The following CERKL variants were observed in gnomAD, a reference collection of about 807,000 sequenced individuals.
The protein encoded by CERKL is ceramide kinase-like protein.
In CERKL, 61 loss-of-function variants were observed where a neutral mutation model predicts 63.4. The ratio of observed to expected loss-of-function variants is 0.96; its 90% confidence interval spans 0.78 to 1.19. CERKL has a LOEUF of 1.19. Ranked by LOEUF, CERKL falls within the 50% of genes most tolerant of loss-of-function variation. The probability of loss-of-function intolerance (pLI) is 0.00; values close to 1 mark genes in which losing one functional copy is unlikely to be tolerated. For missense variants in CERKL, 675 were observed against 655.5 expected (o/e 1.03, Z -0.33); for synonymous variants, 250 against 230.5 (o/e 1.08, Z -0.77).
intron 2 of CERKL, among the ~76,000 whole-genome samples, chr2:181,583,884 T>C (rs927169833): frequency 6.6e-6 from 1 of 152,136 alleles, no homozygotes; most frequent in African/African-American, 2.4e-5. Context: ...TTATGGAAAA[T>C]ATGGAGAATT....
chr2:181,643,906 G>A (rs926044866), intron 1 of CERKL, among the ~76,000 whole-genome samples: 6 of 152,030 alleles, frequency 3.9e-5, no homozygotes, highest in African/African-American at 1.4e-4. Context: ...CTTTGGGGAG[G>A]CACAAAAAAA....
At chr2:181,582,049 T>C (rs1559088755) in intron 2 of CERKL, among the ~76,000 whole-genome samples, 1 of 152,218 alleles carries the variant, frequency 6.6e-6, no homozygotes, top group Non-Finnish European at 1.5e-5. Flanking sequence ...TCTGTGAAAG[T>C]ATACTTTCCA....
At chr2:181,615,294 G>A (rs959409774) in intron 1 of CERKL, among the ~76,000 whole-genome samples, 1 of 152,204 alleles carries the variant, frequency 6.6e-6, no homozygotes, top group African/African-American at 2.4e-5. Flanking sequence ...ACTTACGGTG[G>A]TTAATAAGAA....
rs1687928959 is a variant in CERKL at position 181,550,289 on chromosome 2, T to C, written c.821-581A>G. On this transcript the variant is annotated intron_variant, in intron 5 of 12. Transcript: ENST00000410087. This position sits in a 1 kb window ranked among gnomAD's most constrained non-coding sequence, Gnocchi z 4.5. ...AGAAAATGTTTAATTCAATTGTATT[T>C]CCCATGTATGAAGATTTGTATTTGA... Among the ~76,000 whole-genome samples, 1 of 152,208 alleles carries C rather than the reference T, an allele frequency of 6.6e-6. No individual in the cohort carries two copies. The highest frequency in any genetic ancestry group is 2.4e-5 in the African/African-American group (1 of 41,462).
Position 181,548,697 on chromosome 2 carries a change from C to T in CERKL, c.1056G>A (p.Lys352=). Residue 352 remains lysine (K), a synonymous_variant, in exon 7 of 13, where the codon AAG becomes AAA. Transcript: ENST00000410087. ...AGACTTACTTAAGTTTTGCCAGTGC[C>T]TTAACAACAGCAAAATCTCTCCGTT... ...PNQRRDFAVV[K]ALAKLKAEDC... The T allele has an allele frequency of 6.2e-7, 1 of 1,613,948 alleles. No individual in the cohort carries two copies.
Position 181,537,273 on chromosome 2 carries a change from T to C in CERKL, c.*911A>G. On this transcript the variant is annotated 3_prime_UTR_variant, in exon 13 of 13. Coordinates refer to ENST00000410087, the MANE Select transcript of CERKL (RefSeq NM_201548.5). The stretch of plus-strand genomic sequence containing the variant: ...CATTTGGTTCTTTCCTACTCAGAAC[T>C]ACTCAGAAACAACTATATATTTCAG... The C allele has an allele frequency of 2.2e-6, 1 of 453,562 alleles. No homozygotes were observed. The allele number at this position is 453,562 out of a possible 1,614,324, so 28.1% of individuals were successfully genotyped here.
chr2:181,563,167 A>G (rs1375488), intron 4 of CERKL, among the ~76,000 whole-genome samples: 35,219 of 151,996 alleles, frequency 0.23, 4,883 homozygotes, highest in Non-Finnish European at 0.31. Context: ...CCAGTAAAAT[A>G]GGGAGCAATA....
chr2:181,615,087 G>C (rs1278196415), intron 1 of CERKL, among the ~76,000 whole-genome samples: 1 of 152,146 alleles, frequency 6.6e-6, no homozygotes, highest in Non-Finnish European at 1.5e-5. Flanking sequence ...AGAGATACTG[G>C]GGACCATCTG....
chr2:181,644,576 A>G (rs957064161), intron 1 of CERKL, among the ~76,000 whole-genome samples: 2 of 152,210 alleles, frequency 1.3e-5, no homozygotes, highest in Admixed American at 6.5e-5. Context: ...TCTGCAGCTG[A>G]GCAACATGGA....
intron 4 of CERKL, among the ~76,000 whole-genome samples, chr2:181,560,802 T>C: frequency 6.6e-6 from 1 of 152,276 alleles, no homozygotes; most frequent in Non-Finnish European, 1.5e-5. Context: ...ATGAGAATCT[T>C]ATTATTTTGA....
chr2:181,608,172 CTT>C (rs1030556345), intron 1 of CERKL, among the ~76,000 whole-genome samples: 4 of 145,030 alleles, frequency 2.8e-5, no homozygotes, highest in Admixed American at 6.9e-5. Context: ...ACCCAGCTCA[CTT>C]TTTTTTTTTT....
chr2:181,549,356 T>G (rs962969062), intron 6 of CERKL, among the ~76,000 whole-genome samples: 2 of 152,220 alleles, frequency 1.3e-5, no homozygotes, highest in African/African-American at 4.8e-5. Flanking sequence ...ATGTTCTTCA[T>G]CTGGTTATAA....
At chr2:181,619,803 T>C (rs986002263) in intron 1 of CERKL, among the ~76,000 whole-genome samples, 3 of 152,176 alleles carry the variant, frequency 2.0e-5, no homozygotes. Flanking sequence ...TGACATTTAA[T>C]CGCATATCAG....
In CERKL at chr2:181,537,758, T is replaced by G. The variant is rs1342778776; in HGVS notation, c.*426A>C. 2.2e-6 allele frequency: 1 copy of G among 447,348 alleles called. No homozygotes were observed. Among genetic ancestry groups the G allele is most frequent in the Admixed American group, 2.4e-5 (1 of 41,340 alleles). The allele number at this position is 447,348 out of a possible 1,614,324, so 27.7% of individuals were successfully genotyped here. A position where few individuals can be genotyped will look rare whatever the true frequency, so the allele number is the denominator to read the frequency against. On this transcript the variant is annotated 3_prime_UTR_variant, in exon 13 of 13. Coordinates refer to ENST00000410087, the MANE Select transcript of CERKL (RefSeq NM_201548.5). Reference sequence around the variant, plus strand: ...ACATTGTAAAAAAAAGAATTTGAATTGATATCTAAAAACAGAATTTGAATT... The same window carrying G: ...ACATTGTAAAAAAAAGAATTTGAATGGATATCTAAAAACAGAATTTGAATT...
intron 1 of CERKL, among the ~76,000 whole-genome samples, chr2:181,616,538 T>A (rs1428334201): frequency 6.6e-6 from 1 of 152,106 alleles, no homozygotes; most frequent in African/African-American, 2.4e-5. Context: ...AGCTTTAAAA[T>A]ACAGACAATA....
At chr2:181,621,312 TAATA>T (rs1686439088) in intron 1 of CERKL, among the ~76,000 whole-genome samples, 1 of 152,188 alleles carries the variant, frequency 6.6e-6, no homozygotes, top group African/African-American at 2.4e-5. Context: ...CTTTAAATTT[TAATA>T]AACACACATA....
intron 1 of CERKL, among the ~76,000 whole-genome samples, chr2:181,611,315 T>C (rs894377134): frequency 1.3e-5 from 2 of 152,022 alleles, no homozygotes; most frequent in Non-Finnish European, 2.9e-5. Context: ...TAATGGAGTA[T>C]TGGTTTTGTT....
At chr2:181,544,842 A>T (rs1162791967) in intron 10 of CERKL, 46 bp from the exon 11 acceptor site, 1 of 1,155,394 alleles carries the variant, frequency 8.7e-7, no homozygotes, top group African/African-American at 1.5e-5. Flanking sequence ...TTACTAAGAG[A>T]TTATACCAAA....
At chr2:181,639,261 G>C (rs1188523464) in intron 1 of CERKL, among the ~76,000 whole-genome samples, 2 of 152,062 alleles carry the variant, frequency 1.3e-5, no homozygotes, top group Admixed American at 1.3e-4. Context: ...ATCATTCCAG[G>C]GGAAGAAGGG....
Sources: allele counts gnomAD v4.1 joint callset (sites outside exome capture counted in the v4.1 genomes callset), GRCh38; gene constraint gnomAD v4.1.1; non-coding constraint Gnocchi (gnomAD v3.1); transcripts MANE v1.5; gene names NCBI Gene and HGNC (gene_info 2026-07-23, HGNC 2026-07-21).